ATRX: variants seen among roughly 807,000 people sequenced by gnomAD.
ATRX encodes the protein chromatin remodeler ATRX.
A neutral mutation model predicts 172.6 loss-of-function variants in ATRX; 12 were observed. The ratio of observed to expected loss-of-function variants is 0.07; its 90% CI spans 0.04 to 0.11. The LOEUF is 0.11. ATRX is among the 10% of genes least tolerant of loss of function. ATRX has a pLI of 1.00. For synonymous variants in ATRX, 674 were observed against 594.7 expected, an observed-to-expected ratio of 1.13 and a Z score of -1.94; for missense variants, 1,368 against 1,767.4, an observed-to-expected ratio of 0.77 and a Z score of 4.05.
chrX:77,667,171 C>T (rs187524255), intron 10 of ATRX, among the ~76,000 whole-genome samples: 15 of 110,040 alleles, frequency 1.4e-4, no homozygotes, highest in African/African-American at 4.6e-4. Flanking sequence ...ATGTCTGGCA[C>T]AGCACTTTTT....
Position 77,652,273 on chromosome X carries a change from T to C in ATRX, c.4398A>G (p.Glu1466=). ...EEEEEEEEED[E]NDDSKSPGKG... ...TTCCAGGAGACTTGGAATCATCATT[T>C]TCATCTTCCTCCTCCTCTTCCTCCT... Residue 1466 remains glutamate (E), a synonymous_variant, in exon 15 of 35, where the codon GAA becomes GAG. Transcript: ENST00000373344. The C allele has an allele frequency of 8.3e-7, 1 of 1,209,886 alleles. No individual in the cohort carries two copies.
chrX:77,722,355 C>T (rs962344912), intron 1 of ATRX, among the ~76,000 whole-genome samples: 4 of 108,020 alleles, frequency 3.7e-5, no homozygotes, highest in Admixed American at 1.0e-4. Context: ...AGACCTTCTG[C>T]ACAGCAAAAA....
intron 26 of ATRX, 54 bp from the exon 27 acceptor site, chrX:77,589,994 C>T: frequency 2.0e-6 from 2 of 980,749 alleles, no homozygotes; most frequent in Admixed American, 4.8e-5. Flanking sequence ...AAAGATATCA[C>T]TTCTTCCTAA....
chrX:77,567,451 G>A (rs1210729138), intron 28 of ATRX, among the ~76,000 whole-genome samples: 3 of 111,390 alleles, frequency 2.7e-5, no homozygotes, highest in Non-Finnish European at 3.8e-5. Flanking sequence ...TAAAACAAGA[G>A]TGGTTATATT....
chrX:77,697,673 C>A (rs1557150769), intron 3 of ATRX, 38 bp from the exon 4 acceptor site: 2 of 1,132,918 alleles, frequency 1.8e-6, no homozygotes, highest in Non-Finnish European at 2.4e-6. Context: ...GAATAAAATT[C>A]TCGAAACGGC....
chrX:77,569,551 A>G (rs910523583), intron 28 of ATRX, among the ~76,000 whole-genome samples: 2 of 112,367 alleles, frequency 1.8e-5, no homozygotes, highest in African/African-American at 6.5e-5. Context: ...AAATGAAGTC[A>G]GCAAGATTAC....
At chrX:77,777,359 C>T (rs1382950062) in intron 1 of ATRX, among the ~76,000 whole-genome samples, 2 of 108,183 alleles carry the variant, frequency 1.8e-5, no homozygotes, top group South Asian at 4.0e-4. Flanking sequence ...CCAGCCTGGG[C>T]GACAGAGCAA....
chrX:77,781,396 C>G (rs782797329), intron 1 of ATRX, among the ~76,000 whole-genome samples: 1 of 95,791 alleles, frequency 1.0e-5, no homozygotes, highest in Admixed American at 1.2e-4. Flanking sequence ...GACCTGAGAT[C>G]GTGCCACTGT....
intron 15 of ATRX, among the ~76,000 whole-genome samples, chrX:77,642,649 CA>C (rs1194667775): frequency 2.1e-4 from 10 of 46,995 alleles, no homozygotes; most frequent in Non-Finnish European, 2.0e-4. Context: ...AGACTGTCTC[CA>C]AAAAAAAAAC....
At chrX:77,701,520 A>C (rs1339966254) in intron 2 of ATRX, among the ~76,000 whole-genome samples, 2 of 110,949 alleles carry the variant, frequency 1.8e-5, no homozygotes, top group Admixed American at 9.6e-5. Flanking sequence ...CTCAAAAAAA[A>C]AAAAAAATCT....
intron 1 of ATRX, among the ~76,000 whole-genome samples, chrX:77,723,918 TA>T: frequency 9.0e-6 from 1 of 111,474 alleles, no homozygotes; most frequent in Non-Finnish European, 1.9e-5. Flanking sequence ...TGACCAAGGT[TA>T]AAAATATGGA....
intron 1 of ATRX, among the ~76,000 whole-genome samples, chrX:77,780,982 G>T (rs1250603593): frequency 1.8e-5 from 2 of 110,663 alleles, no homozygotes; most frequent in Non-Finnish European, 3.8e-5. Context: ...TGTTCGTTCT[G>T]CAAATGACAA....
chrX:77,746,280 G>T (rs782274789), intron 1 of ATRX, among the ~76,000 whole-genome samples: 23 of 110,404 alleles, frequency 2.1e-4, no homozygotes, highest in African/African-American at 7.2e-4. Flanking sequence ...AAGTGCACAA[G>T]TACCCCCGTA....
At chrX:77,677,769 A>G (rs1297422881) in intron 9 of ATRX, among the ~76,000 whole-genome samples, 3 of 110,895 alleles carry the variant, frequency 2.7e-5, no homozygotes, top group Non-Finnish European at 5.7e-5. Flanking sequence ...AAGGATATAT[A>G]GATATGTTAT....
At chrX:77,774,108 G>A (rs1199740260) in intron 1 of ATRX, among the ~76,000 whole-genome samples, 1 of 110,250 alleles carries the variant, frequency 9.1e-6, no homozygotes, top group Non-Finnish European at 1.9e-5. Flanking sequence ...TGTAGTCCCA[G>A]TTACTCGGGT....
At chrX:77,736,705 C>G (rs1323220250) in intron 1 of ATRX, among the ~76,000 whole-genome samples, 2 of 112,462 alleles carry the variant, frequency 1.8e-5, no homozygotes, top group African/African-American at 6.5e-5. Flanking sequence ...ATCCAGCAAT[C>G]CAGCTGCTTG....
intron 1 of ATRX, among the ~76,000 whole-genome samples, chrX:77,762,415 A>C (rs896863697): frequency 3.7e-5 from 4 of 109,484 alleles, no homozygotes; most frequent in Non-Finnish European, 5.7e-5. Flanking sequence ...ACTTAGTTTT[A>C]GCTAAATACT....
chrX:77,531,656 C>T (rs1432287583), intron 30 of ATRX, among the ~76,000 whole-genome samples: 1 of 111,694 alleles, frequency 9.0e-6, no homozygotes, highest in Admixed American at 9.5e-5. Context: ...CAATATACGA[C>T]AAACCCATGG....
At chrX:77,659,407 G>A (rs1024983173) in intron 12 of ATRX, among the ~76,000 whole-genome samples, 1 of 108,415 alleles carries the variant, frequency 9.2e-6, no homozygotes, top group Non-Finnish European at 1.9e-5. Flanking sequence ...ATTATTGAAT[G>A]AACACTTGTA....
Sources: gnomAD v4.1 joint callset for allele counts (sites outside exome capture counted in the v4.1 genomes callset) on GRCh38, gnomAD v4.1.1 for gene constraint, MANE v1.5 for transcripts, NCBI Gene and HGNC (gene_info 2026-07-23, HGNC 2026-07-21) for gene names.